Variants in STAM observed in about 807,000 individuals in gnomAD.
STAM encodes the protein signal transducing adapter molecule 1.
STAM carries 16 observed loss-of-function variants against 63.4 expected under a neutral mutation model. That is an observed-to-expected ratio of 0.25 (90% CI 0.17 to 0.38). STAM has a LOEUF of 0.38. STAM is among the 10% of genes least tolerant of loss of function. The pLI, the probability that STAM is intolerant of heterozygous loss-of-function variation, is 1.00. For synonymous variants in STAM, 238 were observed against 223.9 expected, an observed-to-expected ratio of 1.06 and a Z score of -0.56; for missense variants, 636 against 657.1, an observed-to-expected ratio of 0.97 and a Z score of 0.35.
At chr10:17,651,478 C>A (rs1275276382) in intron 1 of STAM, among the ~76,000 whole-genome samples, 1 of 152,174 alleles carries the variant, frequency 6.6e-6, no homozygotes, top group African/African-American at 2.4e-5. Context: ...TGTGAAAATT[C>A]AGAATACAAG....
chr10:17,692,769 AAGATAAC>A (rs1353299836), intron 5 of STAM, among the ~76,000 whole-genome samples: 1 of 152,216 alleles, frequency 6.6e-6, no homozygotes, highest in Non-Finnish European at 1.5e-5. Context: ...TGAGTTCCTG[AAGATAAC>A]ATCCTGACAC....
intron 2 of STAM, among the ~76,000 whole-genome samples, chr10:17,679,379 A>G (rs117486044): frequency 2.0e-5 from 3 of 152,112 alleles, no homozygotes; most frequent in East Asian, 1.9e-4. Flanking sequence ...AGAAATGTCT[A>G]TTCAAGTCCT....
chr10:17,705,454 T>A lies in STAM; in HGVS notation c.1056-134T>A, dbSNP rs1295157007. Reference sequence around the variant, plus strand: ...TCAGGGCTAAAATGCAGGATATTTTTGTTATAAGTGAAATTTTTAATAATG... The same window carrying A: ...TCAGGGCTAAAATGCAGGATATTTTAGTTATAAGTGAAATTTTTAATAATG... On this transcript the variant is annotated intron_variant, in intron 11 of 13. Transcript: ENST00000377524. 7.5e-6 allele frequency: 8 copies of A among 1,069,498 alleles called. No homozygotes were observed. In the African/African-American group the frequency reaches 1.3e-4, roughly 17 times the overall value. 66.3% of individuals were successfully genotyped at this position (1,069,498 alleles called of 1,614,324 possible). A position where few individuals can be genotyped will look rare whatever the true frequency, so the allele number is the denominator to read the frequency against.
At chr10:17,657,518 C>T (rs1436785546) in intron 1 of STAM, among the ~76,000 whole-genome samples, 1 of 152,188 alleles carries the variant, frequency 6.6e-6, no homozygotes, top group Non-Finnish European at 1.5e-5. Flanking sequence ...CTATATACTG[C>T]AAGAGATTAC....
rs149857901 is a variant in STAM, at chr10:17,681,169, G to A, written c.126-3506G>A. 6.3e-3 allele frequency among the ~76,000 whole-genome samples: 913 copies of A among 145,468 alleles called. 7 individuals carry two copies. Among genetic ancestry groups the A allele is most frequent in the African/African-American group, 0.022 (874 of 39,750 alleles). On this transcript the variant is annotated intron_variant, in intron 2 of 13. Coordinates refer to ENST00000377524, the MANE Select transcript of STAM (RefSeq NM_003473.4). ...TGTTTTTCTTTATAGTAGCCATCCTGATGGGTGTGAGGTGGTATTGAGATC... is the reference window on the plus strand; with the variant it reads ...TGTTTTTCTTTATAGTAGCCATCCTAATGGGTGTGAGGTGGTATTGAGATC...
chr10:17,665,776 C>G (rs1030253421), intron 2 of STAM, among the ~76,000 whole-genome samples: 2 of 151,448 alleles, frequency 1.3e-5, no homozygotes, highest in Admixed American at 6.6e-5. Context: ...GTTGTAGTTT[C>G]TTTTTAAATC....
At chr10:17,704,058 C>G (rs551225959) in intron 9 of STAM, among the ~76,000 whole-genome samples, 2 of 152,302 alleles carry the variant, frequency 1.3e-5, no homozygotes, top group East Asian at 3.9e-4. Flanking sequence ...TTGATTTCTT[C>G]TCGCTTAAGA....
intron 8 of STAM, among the ~76,000 whole-genome samples, chr10:17,699,950 G>A (rs1044616579): frequency 6.6e-6 from 1 of 152,108 alleles, no homozygotes; most frequent in Non-Finnish European, 1.5e-5. Flanking sequence ...CTTATTATTA[G>A]TGAAATCTCT....
chr10:17,705,905 CAAAA>C (rs35030917), intron 12 of STAM, among the ~76,000 whole-genome samples, 164 bp downstream of exon 12: 1 of 123,290 alleles, frequency 8.1e-6, no homozygotes. Context: ...CTGTCTCTAC[CAAAA>C]AAAAAAAAAA....
At chr10:17,650,527 C>T (rs147119276) in intron 1 of STAM, among the ~76,000 whole-genome samples, 1 of 152,220 alleles carries the variant, frequency 6.6e-6, no homozygotes, top group South Asian at 2.1e-4. Flanking sequence ...GGGAGTAATT[C>T]TTGACTTCTG....
chr10:17,674,273 T>G (rs1285714300), intron 2 of STAM, among the ~76,000 whole-genome samples: 1 of 152,242 alleles, frequency 6.6e-6, no homozygotes, highest in Non-Finnish European at 1.5e-5. Flanking sequence ...TATCTCTTAC[T>G]ACACAACTCT....
In STAM at chr10:17,651,950, A is replaced by C. The variant is rs570298683; in HGVS notation, c.40+7571A>C. Among the ~76,000 whole-genome samples the C allele has an allele frequency of 2.6e-5, 4 of 152,370 alleles. No individual in the cohort carries two copies. In the South Asian group the frequency reaches 8.3e-4, roughly 32 times the overall value. ...GAAAAATCAAAAGTTGCTGCTTATC[A>C]GAAAAAGTTCTCTAATCTTTTGAAA... is the stretch of plus-strand genomic sequence containing the variant. On this transcript the variant is annotated intron_variant, in intron 1 of 13. Transcript: ENST00000377524.
intron 8 of STAM, among the ~76,000 whole-genome samples, chr10:17,698,169 T>C (rs1835843193): frequency 6.6e-6 from 1 of 152,182 alleles, no homozygotes. Context: ...GTCATTTTTA[T>C]AGAGACAGAT....
At chr10:17,692,435 T>C (rs1047332244) in intron 5 of STAM, among the ~76,000 whole-genome samples, 1 of 151,956 alleles carries the variant, frequency 6.6e-6, no homozygotes, top group Non-Finnish European at 1.5e-5. Flanking sequence ...AGTAAATGAG[T>C]GTGAGACCTG....
At chr10:17,684,579 C>T in intron 2 of STAM, 96 bp from the exon 3 acceptor site, 1 of 862,104 alleles carries the variant, frequency 1.2e-6, no homozygotes, top group Non-Finnish European at 1.8e-6. Context: ...TTATCATAGT[C>T]TCCCTTTTTA....
At chr10:17,709,263 T>C (rs1836447692) in intron 13 of STAM, among the ~76,000 whole-genome samples, 1 of 152,252 alleles carries the variant, frequency 6.6e-6, no homozygotes, top group Non-Finnish European at 1.5e-5. Flanking sequence ...TTTAATGAAA[T>C]TTATGTTTAG....
At chr10:17,687,987 A>C (rs1399729739) in intron 4 of STAM, 40 bp from the exon 5 acceptor site, 1 of 1,502,294 alleles carries the variant, frequency 6.7e-7, no homozygotes, top group Non-Finnish European at 8.9e-7. Flanking sequence ...ATCATTGGCT[A>C]GGAAATTGGT....
intron 1 of STAM, among the ~76,000 whole-genome samples, chr10:17,646,126 A>T (rs1833511392): frequency 6.6e-6 from 1 of 152,220 alleles, no homozygotes; most frequent in Non-Finnish European, 1.5e-5. Context: ...CTTGTGTGTT[A>T]AGGCCAACTC....
Position 17,695,246 on chromosome 10 carries a change from T to A in STAM, c.728+5T>A. The A allele has an allele frequency of 1.2e-6, 2 of 1,611,096 alleles. No homozygotes were observed. The highest frequency in any genetic ancestry group is 1.7e-6 in the Non-Finnish European group (2 of 1,178,152). On this transcript the variant is annotated splice_donor_5th_base_variant and intron_variant, in intron 7 of 13. Transcript: ENST00000377524. ...TATTACAGTTCTTGATGACAGGTAATGTTAATATTACATTTAAAATTTGTA... is the reference window on the plus strand; with the variant it reads ...TATTACAGTTCTTGATGACAGGTAAAGTTAATATTACATTTAAAATTTGTA...
Sources: gnomAD v4.1 joint callset for allele counts (sites outside exome capture counted in the v4.1 genomes callset) on GRCh38, gnomAD v4.1.1 for gene constraint, MANE v1.5 for transcripts, NCBI Gene and HGNC (gene_info 2026-07-23, HGNC 2026-07-21) for gene names.